Variants in WASHC2C observed in about 807,000 individuals in gnomAD.
WASHC2C encodes Vaccinia Penetration Factor.
In WASHC2C, 73 loss-of-function variants were observed where a neutral mutation model predicts 142.2. The observed-to-expected ratio is 0.51, with a 90% confidence interval of 0.43 to 0.62. The LOEUF (loss-of-function observed/expected upper bound fraction) is 0.62. WASHC2C is among the 20% of genes least tolerant of loss of function. WASHC2C has a pLI of 0.00. For synonymous variants in WASHC2C, 337 were observed against 565.5 expected, an observed-to-expected ratio of 0.60 and a Z score of 5.73; for missense variants, 969 against 1,531.7, an observed-to-expected ratio of 0.63 and a Z score of 6.13.
chr10:45,763,738 G>A (rs1213364084), intron 18 of WASHC2C, among the ~76,000 whole-genome samples: 1 of 149,898 alleles, frequency 6.7e-6, no homozygotes, highest in African/African-American at 2.5e-5. Flanking sequence ...CCGAGTTGGA[G>A]ACTTTCTCTG....
In WASHC2C at chr10:45,789,005, T is replaced by C. The variant is rs2058244638; in HGVS notation, c.3222T>C (p.Ile1074=). ...GPIAQWADGA[I]SPNGHRPQLR... is the part of the protein sequence containing the mutation. Reference sequence around the variant, plus strand: ...TTGCACAGTGGGCTGATGGCGCCATTTCCCCAAATGGCCATCGGCCACAGC... The same window carrying C: ...TTGCACAGTGGGCTGATGGCGCCATCTCCCCAAATGGCCATCGGCCACAGC... The change falls in exon 29 of 31, where the codon ATT becomes ATC. Residue 1074 remains isoleucine, a synonymous_variant. Coordinates refer to ENST00000623400, the MANE Select transcript of WASHC2C (RefSeq NM_001330074.2). The C allele has an allele frequency of 1.9e-6, 3 of 1,611,984 alleles. No individual in the cohort carries two copies. Among genetic ancestry groups the C allele is most frequent in the Non-Finnish European group, 2.5e-6 (3 of 1,179,834 alleles).
chr10:45,789,458 G>A lies in WASHC2C; in HGVS notation c.3675G>A (p.Gln1225=). 6.2e-7 allele frequency: 1 copy of A among 1,612,068 alleles called. No individual in the cohort carries two copies. Among genetic ancestry groups the A allele is most frequent in the South Asian group, 1.1e-5 (1 of 90,986 alleles). ...ATGAGACAAAATCCAGTAGTCAGCAGGATGTCATATTAACAACACAAGATA... is the reference window on the plus strand; with the variant it reads ...ATGAGACAAAATCCAGTAGTCAGCAAGATGTCATATTAACAACACAAGATA... ...KKNETKSSSQ[Q]DVILTTQDIF... Residue 1225 remains glutamine (Q), a synonymous_variant, in exon 29 of 31, where the codon CAG becomes CAA. Transcript: ENST00000623400.
At chr10:45,762,591 G>A (rs1442070106) in intron 17 of WASHC2C, among the ~76,000 whole-genome samples, 1 of 152,210 alleles carries the variant, frequency 6.6e-6, no homozygotes, top group African/African-American at 2.4e-5. Context: ...TAAAAATAAA[G>A]TTTAATTTGT....
rs541555786 is a variant in WASHC2C at position 45,788,847 on chromosome 10, A to C, written c.3088-24A>C. 3.7e-6 allele frequency: 6 copies of C among 1,611,926 alleles called. No individual in the cohort carries two copies. The Admixed American group carries it at 6.7e-5, about 18-fold the overall frequency. The stretch of plus-strand genomic sequence containing the variant: ...AACACTTTATTTTATCGTCAGATCA[A>C]TGTATGTTTTTTTGCCGTTGCAGAG... On this transcript the variant is annotated intron_variant, in intron 28 of 30. Coordinates refer to ENST00000623400, the MANE Select transcript of WASHC2C (RefSeq NM_001330074.2).
intron 23 of WASHC2C, among the ~76,000 whole-genome samples, chr10:45,779,982 T>C (rs2057372204): frequency 8.1e-6 from 1 of 123,278 alleles, no homozygotes; most frequent in African/African-American, 3.0e-5. Flanking sequence ...AGACTCCATC[T>C]CAAAAAAAAA....
intron 3 of WASHC2C, among the ~76,000 whole-genome samples, chr10:45,736,780 G>C (rs534873361): frequency 1.3e-5 from 2 of 152,148 alleles, no homozygotes; most frequent in East Asian, 3.9e-4. Context: ...TTTTCCATGT[G>C]CCTTTATATT....
chr10:45,746,939 T>C (rs1257670753), intron 8 of WASHC2C, among the ~76,000 whole-genome samples: 1 of 152,214 alleles, frequency 6.6e-6, no homozygotes, highest in Non-Finnish European at 1.5e-5. Context: ...TGAACTACTT[T>C]GCATGAGTCC....
At chr10:45,738,180 A>G (rs1215921364) in intron 4 of WASHC2C, 135 bp downstream of exon 4, 3 of 1,566,420 alleles carry the variant, frequency 1.9e-6, no homozygotes, top group Non-Finnish European at 2.6e-6. Context: ...GCAGCCCAAG[A>G]GGGGATTCTT....
rs781813641 is a variant in WASHC2C at position 45,752,629 on chromosome 10, G to A, written c.1045G>A (p.Glu349Lys). 22 of 1,609,792 alleles carry A rather than the reference G, an allele frequency of 1.4e-5. 1 individual carries two copies. The highest frequency in any genetic ancestry group is 2.2e-5 in the South Asian group (2 of 90,936). ...NLFAPPKLTD[E>K]DFSPFGSGGG... ...ATTCGCACCCCCCAAGCTGACCGAC[G>A]AGGACTTCTCGCCATTTGGCTCTGG... The change falls in exon 12 of 31, where the codon GAG becomes AAG. Residue 349 changes from glutamate (E) to lysine (K), a missense_variant. Glu to Lys is a moderately conservative substitution (Grantham distance 56). Transcript: ENST00000623400.
chr10:45,752,022 G>A (rs2053653047), intron 11 of WASHC2C, among the ~76,000 whole-genome samples: 2 of 152,308 alleles, frequency 1.3e-5, no homozygotes, highest in African/African-American at 2.4e-5. Context: ...GGTGCTGGGA[G>A]GATATGTGGG....
At chr10:45,742,712 GTCC>G (rs1200527794) in intron 5 of WASHC2C, among the ~76,000 whole-genome samples, 2 of 151,992 alleles carry the variant, frequency 1.3e-5, no homozygotes, top group East Asian at 3.9e-4. Flanking sequence ...TCTTTCCTTG[GTCC>G]TCCTCTTCTT....
At chr10:45,784,267 T>TACACAC (rs1379735362) in intron 23 of WASHC2C, among the ~76,000 whole-genome samples, 1 of 5,654 alleles carries the variant, frequency 1.8e-4, no homozygotes, top group African/African-American at 3.2e-4. Context: ...TATATATATA[T>TACACAC]ATATATATAT....
At chr10:45,775,861 T>C (rs2057032700) in intron 21 of WASHC2C, among the ~76,000 whole-genome samples, 1 of 151,958 alleles carries the variant, frequency 6.6e-6, no homozygotes, top group Non-Finnish European at 1.5e-5. Flanking sequence ...TGTATTTCTT[T>C]AGTAGAGACG....
At chr10:45,758,560 AT>A (rs1468317575) in intron 16 of WASHC2C, among the ~76,000 whole-genome samples, 1 of 147,426 alleles carries the variant, frequency 6.8e-6, no homozygotes, top group Non-Finnish European at 1.5e-5. Context: ...GGGATCATGT[AT>A]TCATTCTTCA....
intron 13 of WASHC2C, among the ~76,000 whole-genome samples, chr10:45,753,828 T>TG (rs2053901098): frequency 6.6e-6 from 1 of 151,240 alleles, no homozygotes; most frequent in Non-Finnish European, 1.5e-5. Flanking sequence ...TAAATATGTT[T>TG]TTTTTTTTTT....
chr10:45,772,586 G>A (rs1219942640), intron 20 of WASHC2C, among the ~76,000 whole-genome samples: 14 of 152,246 alleles, frequency 9.2e-5, no homozygotes, highest in East Asian at 1.9e-4. Context: ...GCATGGTGAC[G>A]TGTGCCTGTA....
intron 4 of WASHC2C, among the ~76,000 whole-genome samples, chr10:45,738,896 G>A (rs1245419346): frequency 1.2e-4 from 19 of 152,132 alleles, no homozygotes; most frequent in Admixed American, 6.5e-4. Context: ...TTGTAGAGAC[G>A]GGGTTTCGCC....
intron 26 of WASHC2C, 147 bp downstream of exon 26, chr10:45,785,778 C>T: frequency 7.0e-7 from 1 of 1,420,972 alleles, no homozygotes; most frequent in Middle Eastern, 2.6e-4. Flanking sequence ...ACTGCACTTC[C>T]CCCGAGTCAT....
chr10:45,753,824 T>C (rs1315125232), intron 13 of WASHC2C, among the ~76,000 whole-genome samples: 2 of 147,398 alleles, frequency 1.4e-5, no homozygotes, highest in Non-Finnish European at 3.0e-5. Flanking sequence ...AATATAAATA[T>C]GTTTTTTTTT....
Sources: gnomAD v4.1 joint callset for allele counts (sites outside exome capture counted in the v4.1 genomes callset) on GRCh38, gnomAD v4.1.1 for gene constraint, MANE v1.5 for transcripts, NCBI Gene and HGNC (gene_info 2026-07-23, HGNC 2026-07-21) for gene names.